The following RGS6 variants were observed in gnomAD, a reference collection of about 807,000 sequenced individuals.
RGS6 encodes the protein regulator of G-protein signaling 6.
A neutral mutation model predicts 78.5 loss-of-function variants in RGS6; 30 were observed. The observed-to-expected ratio is 0.38, with a 90% confidence interval of 0.29 to 0.52. The LOEUF is 0.52. Among genes scored for constraint, RGS6 ranks in the 20% least tolerant of loss-of-function variants. The pLI, the probability that RGS6 is intolerant of heterozygous loss-of-function variation, is 0.85. For missense variants in RGS6, 495 were observed against 609.7 expected, an observed-to-expected ratio of 0.81 and a Z score of 1.98; for synonymous variants, 206 against 206.0, an observed-to-expected ratio of 1.00 and a Z score of 0.00.
chr14:72,175,654 T>G (rs2097095062), intron 2 of RGS6, among the ~76,000 whole-genome samples: 1 of 152,162 alleles, frequency 6.6e-6, no homozygotes, highest in Admixed American at 6.5e-5. Context: ...AACAAAGCAG[T>G]GCACAAATGA....
chr14:71,991,600 A>G (rs573847208), intron 2 of RGS6, among the ~76,000 whole-genome samples: 2 of 152,364 alleles, frequency 1.3e-5, no homozygotes, highest in South Asian at 4.1e-4. Context: ...AAGCCAAAGA[A>G]ATAAATAAAA....
At chr14:71,909,516 G>A in the RGS6 span, among the ~76,000 whole-genome samples, 6 of 150,654 alleles carry the variant, frequency 4.0e-5, no homozygotes, top group African/African-American at 1.5e-4. Context: ...AAGGACAGAG[G>A]GTGTGGGGAG....
chr14:72,068,926 C>T (rs2094294779), intron 2 of RGS6, among the ~76,000 whole-genome samples: 1 of 151,700 alleles, frequency 6.6e-6, no homozygotes, highest in African/African-American at 2.4e-5. Flanking sequence ...ATTTGGATTT[C>T]TTCTCTTTTA....
At chr14:72,161,440 G>C (rs946062436) in intron 2 of RGS6, among the ~76,000 whole-genome samples, 4 of 152,160 alleles carry the variant, frequency 2.6e-5, no homozygotes, top group African/African-American at 9.7e-5. Context: ...ACTTTTGCTT[G>C]CGTTGAGGAA....
intron 2 of RGS6, among the ~76,000 whole-genome samples, chr14:72,306,317 A>G (rs889855389): frequency 2.0e-5 from 3 of 152,248 alleles, no homozygotes; most frequent in African/African-American, 4.8e-5. Context: ...GATGTACAAG[A>G]ATGTGTAATA....
At chr14:72,404,101 G>A (rs1003706014) in intron 3 of RGS6, among the ~76,000 whole-genome samples, 1 of 152,220 alleles carries the variant, frequency 6.6e-6, no homozygotes, top group Non-Finnish European at 1.5e-5. Context: ...TACTAGTGTT[G>A]CTCGCATGGC....
chr14:72,293,379 C>G (rs974095398), intron 2 of RGS6, among the ~76,000 whole-genome samples: 11 of 152,248 alleles, frequency 7.2e-5, no homozygotes, highest in Middle Eastern at 3.4e-3. Flanking sequence ...TAGAACAATT[C>G]GAGGTGCAGG....
the RGS6 span, among the ~76,000 whole-genome samples, chr14:72,602,781 C>T: frequency 2.0e-5 from 3 of 152,182 alleles, no homozygotes; most frequent in East Asian, 5.8e-4. Flanking sequence ...AACGGCATAA[C>T]TAGAGGAAAG....
chr14:72,322,788 T>A (rs1010353824), intron 2 of RGS6, among the ~76,000 whole-genome samples: 1 of 152,120 alleles, frequency 6.6e-6, no homozygotes, highest in African/African-American at 2.4e-5. Context: ...AAATTAAGAA[T>A]CACTTTATCA....
In RGS6 at chr14:72,448,511, G is replaced by GA. The variant is rs144530661; in HGVS notation, c.185-6007dup. ...ATTTTTTTTCAATTAAGGCATAAAA[G>GA]AAAAAAAAAAGACGGTAAAGATTGT... On this transcript the variant is annotated intron_variant, in intron 3 of 17. Coordinates refer to ENST00000553525, the MANE Select transcript of RGS6 (RefSeq NM_001204424.2). 6.7e-3 allele frequency among the ~76,000 whole-genome samples: 980 copies of GA among 147,072 alleles called. 12 individuals are homozygous for GA. The highest frequency in any genetic ancestry group is 0.023 in the African/African-American group (904 of 39,808).
At chr14:71,909,257 A>G in the RGS6 span, among the ~76,000 whole-genome samples, 1 of 152,098 alleles carries the variant, frequency 6.6e-6, no homozygotes, top group Non-Finnish European at 1.5e-5. Context: ...AATAAACTCA[A>G]TTCTTTTACT....
intron 3 of RGS6, among the ~76,000 whole-genome samples, chr14:72,414,386 T>C (rs1043805381): frequency 2.0e-5 from 3 of 152,244 alleles, no homozygotes; most frequent in African/African-American, 7.2e-5. Context: ...ATTCGTCACA[T>C]AGTTCTCGTG....
chr14:71,908,402 G>C, the RGS6 span: 1 of 152,226 alleles, frequency 6.6e-6, no homozygotes, highest in South Asian at 2.1e-4. Flanking sequence ...AGGAGAAATA[G>C]GGACCGGCTG....
intron 2 of RGS6, among the ~76,000 whole-genome samples, chr14:72,021,494 G>A (rs1274199249): frequency 1.6e-5 from 2 of 124,986 alleles, no homozygotes; most frequent in African/African-American, 3.1e-5. Flanking sequence ...TTGAGATGGC[G>A]TTTCGCTCTT....
chr14:72,614,961 A>G, the RGS6 span, among the ~76,000 whole-genome samples: 1 of 145,196 alleles, frequency 6.9e-6, no homozygotes, highest in Non-Finnish European at 1.5e-5. Flanking sequence ...CTCCCCAGGA[A>G]TGGAAGCCTG....
At chr14:72,129,621 A>T (rs2096273655) in intron 2 of RGS6, among the ~76,000 whole-genome samples, 1 of 152,074 alleles carries the variant, frequency 6.6e-6, no homozygotes, top group Non-Finnish European at 1.5e-5. Context: ...GCTCCGCTTG[A>T]CTACAGGGAT....
chr14:72,428,077 A>G (rs1022648006), intron 3 of RGS6, among the ~76,000 whole-genome samples: 1 of 152,292 alleles, frequency 6.6e-6, no homozygotes, highest in East Asian at 1.9e-4. Context: ...GCTTAGGCAA[A>G]GGCTAGATGG....
At chr14:72,259,259 C>A (rs2153878535) in intron 2 of RGS6, among the ~76,000 whole-genome samples, 1 of 152,260 alleles carries the variant, frequency 6.6e-6, no homozygotes, top group South Asian at 2.1e-4. Context: ...CTTTCAAAAT[C>A]AGATGATCAG....
intron 2 of RGS6, among the ~76,000 whole-genome samples, chr14:72,152,149 G>T (rs2153638237): frequency 6.6e-6 from 1 of 152,184 alleles, no homozygotes; most frequent in Non-Finnish European, 1.5e-5. Flanking sequence ...TAGAAGAAGA[G>T]TTGGATCAGG....
Sources: allele counts gnomAD v4.1 joint callset (sites outside exome capture counted in the v4.1 genomes callset), GRCh38; gene constraint gnomAD v4.1.1; transcripts MANE v1.5; gene names NCBI Gene and HGNC (gene_info 2026-07-23, HGNC 2026-07-21).